RABL6: variants seen among roughly 807,000 people sequenced by gnomAD.
The protein encoded by RABL6 is rab-like protein 6.
A neutral mutation model predicts 72.9 loss-of-function variants in RABL6; 28 were observed. That is an observed-to-expected ratio of 0.38 (90% CI 0.28 to 0.53). The LOEUF is 0.53. RABL6 is among the 20% of genes least tolerant of loss of function. The pLI, the probability that RABL6 is intolerant of heterozygous loss-of-function variation, is 0.80. For missense variants in RABL6, 1,029 were observed against 1,008.4 expected (o/e 1.02, Z -0.28); for synonymous variants, 477 against 421.2 (o/e 1.13, Z -1.62).
intron 1 of RABL6, among the ~76,000 whole-genome samples, chr9:136,817,503 G>A (rs1284361033): frequency 6.6e-6 from 1 of 151,614 alleles, no homozygotes; most frequent in Admixed American, 6.6e-5. Flanking sequence ...GGAGGCCGAC[G>A]TGGGCTGAGG....
intron 7 of RABL6, chr9:136,834,563 C>T: frequency 1.3e-6 from 1 of 775,264 alleles, no homozygotes; most frequent in Non-Finnish European, 1.6e-6. Flanking sequence ...ACTGTAACCT[C>T]TGCCTCCTGG....
At chr9:136,831,692 C>G in intron 5 of RABL6, 29 bp from the exon 6 acceptor site, 1 of 1,611,764 alleles carries the variant, frequency 6.2e-7, no homozygotes, top group South Asian at 1.1e-5. Context: ...AGGGCTGAAA[C>G]TAAGCCAGGT....
Position 136,839,766 on chromosome 9 carries a change from C to A in RABL6, c.1831C>A (p.Pro611Thr). 1.2e-6 allele frequency: 2 copies of A among 1,611,950 alleles called. No homozygotes were observed. The highest frequency in any genetic ancestry group is 1.7e-6 in the Non-Finnish European group (2 of 1,179,294). The change falls in exon 13 of 15, where the codon CCC (proline) becomes ACC (threonine). Residue 611 changes from proline (P) to threonine (T), a missense_variant. Physicochemically the swap from Pro to Thr is conservative, Grantham distance 38 (BLOSUM62 -1). This residue lies in a region of RABL6 where 595 missense variants were observed against 472.4 expected (regional missense o/e 1.26). Coordinates refer to ENST00000311502, the MANE Select transcript of RABL6 (RefSeq NM_024718.5). ...EDEGPAEPPPPPKLPLPAFRL... is the reference protein window; with the variant it reads ...EDEGPAEPPPTPKLPLPAFRL... ...TGAGGGCCCTGCCGAGCCGCCCCCA[C>A]CCCCCAAGCTCCCTCTCCCCGCCTT... is the stretch of plus-strand genomic sequence containing the variant.
chr9:136,822,724 G>A (rs1387689952), intron 1 of RABL6, among the ~76,000 whole-genome samples: 1 of 152,226 alleles, frequency 6.6e-6, no homozygotes, highest in Non-Finnish European at 1.5e-5. Flanking sequence ...GCAGGCCCAG[G>A]CCCGGGGCTA....
chr9:136,816,338 C>T (rs1156980011), intron 1 of RABL6, among the ~76,000 whole-genome samples: 1 of 152,042 alleles, frequency 6.6e-6, no homozygotes, highest in Non-Finnish European at 1.5e-5. Context: ...CTCCTGGGCC[C>T]AAGCGATCCA....
intron 1 of RABL6, among the ~76,000 whole-genome samples, chr9:136,819,178 C>T (rs1487629462): frequency 3.3e-5 from 5 of 152,052 alleles, no homozygotes; most frequent in East Asian, 1.9e-4. Flanking sequence ...AAAAATTAGC[C>T]GGGCGTGGTG....
At chr9:136,833,008 C>T (rs373320382) in intron 7 of RABL6, 8 of 321,372 alleles carry the variant, frequency 2.5e-5, no homozygotes, top group South Asian at 4.9e-5. Flanking sequence ...GCTGCCCTGA[C>T]TGGGTCTGGG....
At chr9:136,818,372 A>AAAAAAAC in intron 1 of RABL6, among the ~76,000 whole-genome samples, 4 of 19,918 alleles carry the variant, frequency 2.0e-4, no homozygotes, top group Non-Finnish European at 3.4e-4. Context: ...CAAAAAAAAA[A>AAAAAAAC]AAAAAAAAAA....
intron 8 of RABL6, 127 bp from the exon 9 acceptor site, chr9:136,837,219 G>A (rs1191542624): frequency 3.4e-5 from 37 of 1,081,670 alleles, no homozygotes; most frequent in Non-Finnish European, 5.0e-5. Flanking sequence ...GGCCTCTGTG[G>A]GGCGGGTGGC....
At chr9:136,830,751 G>A (rs1230228159) in intron 5 of RABL6, among the ~76,000 whole-genome samples, 3 of 152,386 alleles carry the variant, frequency 2.0e-5, no homozygotes, top group East Asian at 3.9e-4. Context: ...GAGTGACAGC[G>A]AGACTTGAGC....
At chr9:136,830,072 C>T (rs188866287) in intron 5 of RABL6, among the ~76,000 whole-genome samples, 129 of 152,346 alleles carry the variant, frequency 8.5e-4, no homozygotes, top group Admixed American at 1.4e-3. Context: ...CCTAGAAGAA[C>T]GAGGGCCGCG....
chr9:136,826,297 C>T lies in RABL6; in HGVS notation c.313+471C>T, dbSNP rs1448800139. On this transcript the variant is annotated intron_variant, in intron 3 of 14. Coordinates refer to ENST00000311502, the MANE Select transcript of RABL6 (RefSeq NM_024718.5). This position sits in a 1 kb window ranked among gnomAD's most constrained non-coding sequence, Gnocchi z 4.9. ...GCAGCACCAGCCCCCGGGGTGTCCT[C>T]GACATCGTTGGTCTCCTCCTCAGCC... 1.3e-5 allele frequency among the ~76,000 whole-genome samples: 2 copies of T among 152,156 alleles called. No individual in the cohort carries two copies. The highest frequency in any genetic ancestry group is 1.3e-4 in the Admixed American group (2 of 15,286).
In RABL6 at chr9:136,839,141, C is replaced by T. The variant is rs185358593; in HGVS notation, c.1493+20C>T. The T allele has an allele frequency of 5.3e-4, 857 of 1,609,554 alleles. 6 individuals are homozygous for T. In the East Asian group the frequency reaches 0.014, roughly 26 times the overall value. ...CAAGTGGTAAGGGCAGGTGTCCCCACGGGTGCGGCCTGGAGACCCGGGTGG... is the reference window on the plus strand; with the variant it reads ...CAAGTGGTAAGGGCAGGTGTCCCCATGGGTGCGGCCTGGAGACCCGGGTGG... On this transcript the variant is annotated intron_variant, in intron 11 of 14. Coordinates refer to ENST00000311502, the MANE Select transcript of RABL6 (RefSeq NM_024718.5).
At chr9:136,811,345 C>G (rs184485162) in intron 1 of RABL6, among the ~76,000 whole-genome samples, 2 of 152,026 alleles carry the variant, frequency 1.3e-5, no homozygotes, top group African/African-American at 4.8e-5. Flanking sequence ...TTGCCGGGCG[C>G]GGTGGCTCAC....
At chr9:136,808,386 CG>C in intron 1 of RABL6, 60 bp downstream of exon 1, 1 of 1,384,706 alleles carries the variant, frequency 7.2e-7, no homozygotes, top group Non-Finnish European at 9.4e-7. Flanking sequence ...ACCCAGGCCC[CG>C]GGCGCCGCGC....
intron 8 of RABL6, 110 bp downstream of exon 8, chr9:136,835,955 G>C: frequency 9.1e-7 from 1 of 1,097,242 alleles, no homozygotes; most frequent in Non-Finnish European, 1.3e-6. Context: ...TCCCCTGTTT[G>C]GGGTAAATTA....
intron 3 of RABL6, chr9:136,828,235 G>A (rs1032275467): frequency 6.1e-6 from 3 of 487,852 alleles, no homozygotes; most frequent in Non-Finnish European, 1.1e-5. Flanking sequence ...AGCCTGTCCA[G>A]GAGCTGCTGA....
rs1254809031 is a variant in RABL6 at position 136,840,976 on chromosome 9, T to C, written c.*454T>C. 1.0e-5 allele frequency: 15 copies of C among 1,450,600 alleles called. No individual in the cohort carries two copies. The highest frequency in any genetic ancestry group is 1.3e-5 in the Non-Finnish European group (14 of 1,098,500). 89.9% of individuals were successfully genotyped at this position (1,450,600 alleles called of 1,614,324 possible). A position where few individuals can be genotyped will look rare whatever the true frequency, so the allele number is the denominator to read the frequency against. ...TCCGGCCGGGAGCCCTGAACACGGG[T>C]GTGCAGACTCACCCTAAAGGGCGGC... On this transcript the variant is annotated 3_prime_UTR_variant, in exon 15 of 15. Coordinates refer to ENST00000311502, the MANE Select transcript of RABL6 (RefSeq NM_024718.5).
At chr9:136,834,692 C>G (rs189403311) in intron 7 of RABL6, among the ~76,000 whole-genome samples, 2 of 152,042 alleles carry the variant, frequency 1.3e-5, no homozygotes, top group African/African-American at 4.8e-5. Flanking sequence ...TTGGCCAGGA[C>G]GGTCTCGATC....
Sources: gnomAD v4.1 joint callset for allele counts (sites outside exome capture counted in the v4.1 genomes callset) on GRCh38, gnomAD v4.1.1 for gene constraint, gnomAD v4.1.1 regional missense constraint, Gnocchi (gnomAD v3.1) non-coding constraint, MANE v1.5 for transcripts, NCBI Gene and HGNC (gene_info 2026-07-23, HGNC 2026-07-21) for gene names.